DCAF17: variants seen among roughly 807,000 people sequenced by gnomAD.
DCAF17 encodes DDB1 and CUL4 associated factor 17.
DCAF17 carries 48 observed loss-of-function variants against 66.0 expected under a neutral mutation model. The ratio of observed to expected loss-of-function variants is 0.73; its 90% CI spans 0.58 to 0.92. The LOEUF (loss-of-function observed/expected upper bound fraction) is 0.92, where lower values mean the gene tolerates loss of function less well. Among genes scored for constraint, DCAF17 ranks in the 40% least tolerant of loss-of-function variants. The probability of loss-of-function intolerance (pLI) is 0.00; values close to 1 mark genes in which losing one functional copy is unlikely to be tolerated. For synonymous variants in DCAF17, 206 were observed against 214.6 expected (o/e 0.96, Z 0.35); for missense variants, 562 against 622.8 (o/e 0.90, Z 1.04).
intron 3 of DCAF17, among the ~76,000 whole-genome samples, chr2:171,444,802 G>A (rs895695796): frequency 5.3e-5 from 8 of 151,974 alleles, no homozygotes; most frequent in African/African-American, 2.4e-5. Flanking sequence ...GAGGCTGTAC[G>A]CTAAATTTAT....
chr2:171,464,496 A>G (rs1482848209), intron 8 of DCAF17, among the ~76,000 whole-genome samples: 1 of 152,118 alleles, frequency 6.6e-6, no homozygotes, highest in Non-Finnish European at 1.5e-5. Context: ...TTATAAGGAC[A>G]CCAGTCATTG....
chr2:171,436,127 A>G (rs531224572), intron 2 of DCAF17, among the ~76,000 whole-genome samples: 18 of 152,362 alleles, frequency 1.2e-4, no homozygotes, highest in Middle Eastern at 3.4e-3. Context: ...CGTGTTTTCA[A>G]GGTTCATCCA....
intron 10 of DCAF17, among the ~76,000 whole-genome samples, chr2:171,475,764 TAAAAAA>T (rs938134580): frequency 6.6e-6 from 1 of 152,126 alleles, no homozygotes; most frequent in African/African-American, 2.4e-5. Flanking sequence ...CCCTGTCTCT[TAAAAAA>T]TAAAAAATAA....
intron 2 of DCAF17, among the ~76,000 whole-genome samples, chr2:171,437,763 C>A (rs1288350653): frequency 6.6e-6 from 1 of 152,128 alleles, no homozygotes; most frequent in Non-Finnish European, 1.5e-5. Context: ...GTGATAGCCA[C>A]TCTTTAATTT....
rs1449506850 is a variant in DCAF17 at position 171,480,995 on chromosome 2, T to A, written c.1444T>A (p.Phe482Ile). Residue 482 changes from phenylalanine to isoleucine, a missense_variant, in exon 14 of 14, where the codon TTT (phenylalanine) becomes ATT (isoleucine). Coordinates refer to ENST00000375255, the MANE Select transcript of DCAF17 (RefSeq NM_025000.4). The part of the protein sequence containing the change: ...WDVTYSHEVY[F>I]DRDLVLHIEQ... The stretch of plus-strand genomic sequence containing the variant: ...ACAGACATATAGCCATGAAGTCTAC[T>A]TTGACAGAGACTTGGTGCTACACAT... 3 of 1,613,786 alleles carry A rather than the reference T, an allele frequency of 1.9e-6. No individual in the cohort carries two copies. Among genetic ancestry groups the A allele is most frequent in the Non-Finnish European group, 1.7e-6 (2 of 1,179,706 alleles).
intron 9 of DCAF17, among the ~76,000 whole-genome samples, chr2:171,470,861 G>A (rs1276545168): frequency 6.6e-6 from 1 of 152,150 alleles, no homozygotes; most frequent in East Asian, 1.9e-4. Context: ...CACATCTGTG[G>A]ATTCAACCAA....
At chr2:171,448,222 C>G (rs935224833) in intron 3 of DCAF17, among the ~76,000 whole-genome samples, 2 of 152,062 alleles carry the variant, frequency 1.3e-5, no homozygotes, top group African/African-American at 4.8e-5. Context: ...GCCTTGACCT[C>G]CCAGTCTCAA....
intron 8 of DCAF17, among the ~76,000 whole-genome samples, chr2:171,462,087 C>G (rs1038400793): frequency 2.0e-5 from 3 of 152,132 alleles, no homozygotes; most frequent in African/African-American, 7.2e-5. Context: ...AATCCTATCT[C>G]ACTCTTAAAT....
chr2:171,466,546 A>G (rs946537013), intron 8 of DCAF17, among the ~76,000 whole-genome samples: 4 of 151,670 alleles, frequency 2.6e-5, no homozygotes, highest in Non-Finnish European at 5.9e-5. Context: ...ACCACAAGAC[A>G]TGGAATCAGC....
intron 8 of DCAF17, among the ~76,000 whole-genome samples, chr2:171,468,479 A>G (rs1696051589): frequency 6.6e-6 from 1 of 152,126 alleles, no homozygotes; most frequent in Non-Finnish European, 1.5e-5. Flanking sequence ...TATTAGACCT[A>G]ATTACCTTGT....
intron 8 of DCAF17, among the ~76,000 whole-genome samples, chr2:171,467,174 A>G (rs1416566251): frequency 6.6e-6 from 1 of 151,962 alleles, no homozygotes; most frequent in East Asian, 1.9e-4. Context: ...TTATACACAG[A>G]TTTTTTTCAA....
At chr2:171,468,765 A>G in intron 8 of DCAF17, 123 bp from the exon 9 acceptor site, 1 of 1,299,764 alleles carries the variant, frequency 7.7e-7, no homozygotes, top group Non-Finnish European at 1.1e-6. Context: ...CCTTGAACAT[A>G]GTAATTTTTC....
At chr2:171,480,590 T>G (rs566107784) in intron 13 of DCAF17, among the ~76,000 whole-genome samples, 1 of 152,302 alleles carries the variant, frequency 6.6e-6, no homozygotes, top group East Asian at 1.9e-4. Flanking sequence ...TTGTCTGATA[T>G]TTCAACTATT....
Position 171,453,174 on chromosome 2 carries a change from A to T in DCAF17, c.588A>T (p.Leu196=). 6.2e-7 allele frequency: 1 copy of T among 1,613,310 alleles called. No individual in the cohort carries two copies. The highest frequency in any genetic ancestry group is 1.3e-5 in the African/African-American group (1 of 75,054). The change falls in exon 6 of 14, where the codon CTA becomes CTT. Residue 196 remains leucine (L), a synonymous_variant. Transcript: ENST00000375255. ...TGTACCTTGCAGTGTTCCGAGTTCTACCTTTTTCACTTGTAGGGATTCTAG... is the reference window on the plus strand; with the variant it reads ...TGTACCTTGCAGTGTTCCGAGTTCTTCCTTTTTCACTTGTAGGGATTCTAG... ...VLLYLAVFRV[L]PFSLVGILEI...
At chr2:171,470,610 G>C (rs904525417) in intron 9 of DCAF17, among the ~76,000 whole-genome samples, 11 of 152,158 alleles carry the variant, frequency 7.2e-5, no homozygotes, top group African/African-American at 2.4e-4. Context: ...TCTAAGGGCT[G>C]TTTTCCACTG....
chr2:171,452,245 G>C (rs1398875641), intron 5 of DCAF17, among the ~76,000 whole-genome samples: 1 of 152,236 alleles, frequency 6.6e-6, no homozygotes, highest in East Asian at 1.9e-4. Context: ...TGATGGGGCA[G>C]ACAGCTTTGC....
In DCAF17 at chr2:171,478,009, C is replaced by T. The variant is rs764124723; in HGVS notation, c.1205C>T (p.Thr402Ile). The change falls in exon 12 of 14, where the codon ACA becomes ATA. Residue 402 changes from threonine to isoleucine, a missense_variant. Coordinates refer to ENST00000375255, the MANE Select transcript of DCAF17 (RefSeq NM_025000.4). ...NHKNENVLTVTASGRVVKKSF... is the reference protein window; with the variant it reads ...NHKNENVLTVIASGRVVKKSF... ...TAGAATGAAAATGTACTCACTGTTA[C>T]AGCTTCTGGACGGGTGGTAAAAAAA... The T allele has an allele frequency of 1.2e-6, 2 of 1,613,658 alleles. No homozygotes were observed. Among genetic ancestry groups the T allele is most frequent in the African/African-American group, 1.3e-5 (1 of 74,894 alleles).
chr2:171,434,592 G>A lies in DCAF17; in HGVS notation c.15G>A (p.Arg5=), dbSNP rs1292702015. Residue 5 remains arginine (R), a synonymous_variant, in exon 1 of 14, where the codon CGG becomes CGA. Transcript: ENST00000375255. ...CCCGCGCCTCCATGGGCCCGACCCG[G>A]AAGCCCAACGTGTGCAGCCGGCTGA... MGPT[R]KPNVCSRLSR... 6.5e-7 allele frequency: 1 copy of A among 1,527,710 alleles called. No individual in the cohort carries two copies. The highest frequency in any genetic ancestry group is 8.7e-7 in the Non-Finnish European group (1 of 1,143,832). The allele number at this position is 1,527,710 out of a possible 1,614,324, so 94.6% of individuals were successfully genotyped here.
chr2:171,472,390 G>A (rs997635937), intron 9 of DCAF17, among the ~76,000 whole-genome samples: 13 of 152,098 alleles, frequency 8.5e-5, no homozygotes, highest in Non-Finnish European at 1.6e-4. Context: ...TGTTGGCCAC[G>A]CTAGTCTCAA....
Sources: gnomAD v4.1 joint callset for allele counts (sites outside exome capture counted in the v4.1 genomes callset) on GRCh38, gnomAD v4.1.1 for gene constraint, MANE v1.5 for transcripts, NCBI Gene and HGNC (gene_info 2026-07-23, HGNC 2026-07-21) for gene names.